TONSL: variants seen among roughly 807,000 people sequenced by gnomAD.
The protein encoded by TONSL is tonsoku like, DNA repair protein.
A neutral mutation model predicts 147.1 loss-of-function variants in TONSL; 112 were observed. The ratio of observed to expected loss-of-function variants is 0.76; its 90% CI spans 0.65 to 0.89. The LOEUF (loss-of-function observed/expected upper bound fraction) is 0.89, where lower values mean the gene tolerates loss of function less well. Ranked by LOEUF, TONSL falls within the 40% of genes least tolerant of loss-of-function variation. The pLI is 0.00. For missense variants in TONSL, 1,883 were observed against 1,864.6 expected, an observed-to-expected ratio of 1.01 and a Z score of -0.18; for synonymous variants, 868 against 801.5, an observed-to-expected ratio of 1.08 and a Z score of -1.40.
chr8:144,437,650 C>T (rs547023200), intron 13 of TONSL: 2 of 156,520 alleles, frequency 1.3e-5, no homozygotes, highest in South Asian at 2.0e-4. Context: ...GTCACCCAGG[C>T]TGGAGTGCAG....
At position 144,432,431 on chromosome 8, in the gene TONSL, A is replaced by C; in HGVS notation, c.3589T>G (p.Ser1197Ala). Residue 1197 changes from serine (S) to alanine (A), a missense_variant, in exon 23 of 26, where the codon TCC becomes GCC. Coordinates refer to ENST00000409379, the MANE Select transcript of TONSL (RefSeq NM_013432.5). ...GCAGGGGCTCCCAGGGCGTTGTAGG[A>C]CAGGGACAGGGTCTTCAGGTGCTCA... is the stretch of plus-strand genomic sequence containing the variant. The part of the protein sequence containing the change: ...DAEHLKTLSL[S>A]YNALGAPALA... 1 of 1,571,526 alleles carries C rather than the reference A, an allele frequency of 6.4e-7. No individual in the cohort carries two copies. Among genetic ancestry groups the C allele is most frequent in the Non-Finnish European group, 8.6e-7 (1 of 1,161,776 alleles).
Position 144,440,453 on chromosome 8 carries a change from A to G in TONSL, c.1188T>C (p.Ile396=), listed in dbSNP as rs1173404610. 6 of 1,604,492 alleles carry G rather than the reference A, an allele frequency of 3.7e-6. No individual in the cohort carries two copies. The highest frequency in any genetic ancestry group is 5.1e-6 in the Non-Finnish European group (6 of 1,174,218). Reference sequence around the variant, plus strand: ...CGCCGGCCTCCTCGCGGGACAGTGCAATGTTCAGCCAGGTCTTGGCCTCCT... The same window carrying G: ...CGCCGGCCTCCTCGCGGGACAGTGCGATGTTCAGCCAGGTCTTGGCCTCCT... ...VLEEAKTWLN[I]ALSREEAGDA... is the part of the protein sequence containing the mutation. The change falls in exon 10 of 26, where the codon ATT becomes ATC. Residue 396 remains isoleucine, a synonymous_variant. Coordinates refer to ENST00000409379, the MANE Select transcript of TONSL (RefSeq NM_013432.5).
chr8:144,435,153 A>G lies in TONSL; in HGVS notation c.2870T>C (p.Val957Ala), dbSNP rs780604448. The change falls in exon 19 of 26, where the codon GTG becomes GCG. Residue 957 changes from valine to alanine, a missense_variant. Coordinates refer to ENST00000409379, the MANE Select transcript of TONSL (RefSeq NM_013432.5). ...GGCCGCCTGCTCGGCCAGCCAGGCC[A>G]CAGAGTGGGTGTCACTGCTGCAGGG... ...PVPHSSDTHS[V>A]AWLAEQAAQR... The G allele has an allele frequency of 2.6e-6, 4 of 1,563,022 alleles. No individual in the cohort carries two copies. The highest frequency in any genetic ancestry group is 3.5e-6 in the Non-Finnish European group (4 of 1,155,068).
At chr8:144,434,914 C>A in intron 19 of TONSL, 25 bp from the exon 20 acceptor site, 1 of 1,612,924 alleles carries the variant, frequency 6.2e-7, no homozygotes, top group South Asian at 1.1e-5. Flanking sequence ...CATGAGCCAC[C>A]TGGGGGCTCC....
At chr8:144,443,375 G>T (rs917670627) in intron 3 of TONSL, 54 bp from the exon 4 acceptor site, 6 of 1,488,982 alleles carry the variant, frequency 4.0e-6, no homozygotes, top group Non-Finnish European at 4.5e-6. Context: ...AAGCAAACCG[G>T]CACCGCCAGA....
rs148167168 is a variant in TONSL at position 144,435,756 on chromosome 8, C to T, written c.2677G>A (p.Ala893Thr). 4.1e-4 allele frequency: 660 copies of T among 1,612,836 alleles called. 2 individuals are homozygous for T. The African/African-American group carries it at 5.1e-3, about 12-fold the overall frequency. Residue 893 changes from alanine (A) to threonine (T), a missense_variant, in exon 17 of 26, where the codon GCA (alanine) becomes ACA (threonine). By Grantham distance (58) the Ala-to-Thr change is moderately conservative. Coordinates refer to ENST00000409379, the MANE Select transcript of TONSL (RefSeq NM_013432.5). ...CMQSCSAPVN[A>T]GPSSLASEPP... ...TCTGAAGCCAGGCTGCTGGGCCCTG[C>T]GTTAACTGGCGCACTGCAACTCTGC...
intron 2 of TONSL, 59 bp downstream of exon 2, chr8:144,444,121 G>A: frequency 1.7e-5 from 22 of 1,304,166 alleles, no homozygotes; most frequent in Non-Finnish European, 2.1e-5. Context: ...CCCGGCCCCC[G>A]ATCCCGGCCC....
rs782514679 is a variant in TONSL, at chr8:144,434,125, G to C, written c.3240C>G (p.Asn1080Lys). The C allele has an allele frequency of 6.2e-7, 1 of 1,612,066 alleles. No individual in the cohort carries two copies. Among genetic ancestry groups the C allele is most frequent in the Non-Finnish European group, 8.5e-7 (1 of 1,179,500 alleles). Residue 1080 changes from asparagine to lysine, a missense_variant, in exon 21 of 26, where the codon AAC (asparagine) becomes AAG (lysine). Physicochemically the swap from Asn to Lys is moderately conservative, Grantham distance 94 (BLOSUM62 0). Transcript: ENST00000409379. Reference sequence around the variant, plus strand: ...CAGCCACACACTTGTCCCCCAGCCGGTTCCCTGCCAGGCGCAGCTCCCGGA... The same window carrying C: ...CAGCCACACACTTGTCCCCCAGCCGCTTCCCTGCCAGGCGCAGCTCCCGGA... ...TALRELRLAG[N>K]RLGDKCVAEL...
chr8:144,438,813 C>A, intron 11 of TONSL, 78 bp from the exon 12 acceptor site: 1 of 1,457,394 alleles, frequency 6.9e-7, no homozygotes. Flanking sequence ...TGCAAGCTCC[C>A]CAAACTCCCA....
rs752272980 is a variant in TONSL at position 144,435,796 on chromosome 8, G to T, written c.2637C>A (p.Val879=). The change falls in exon 17 of 26, where the codon GTC becomes GTA. Residue 879 remains valine (V), a synonymous_variant. Transcript: ENST00000409379. ...ESRPRARAKQ[V]RLTCMQSCSA... is the part of the protein sequence containing the mutation. ...TGCAACTCTGCATGCAGGTCAGGCG[G>T]ACCTGCTTGGCTCGGGCACGGGGCC... The T allele has an allele frequency of 3.1e-6, 5 of 1,612,870 alleles. No individual in the cohort carries two copies. In the South Asian group the frequency reaches 3.3e-5, roughly 11 times the overall value.
At chr8:144,431,828 CTTTCTT>C (rs1823209514) in intron 23 of TONSL, among the ~76,000 whole-genome samples, 1 of 124,654 alleles carries the variant, frequency 8.0e-6, no homozygotes, top group Non-Finnish European at 1.7e-5. Context: ...TTTTCTTTTT[CTTTCTT>C]TTTTTTTTTT....
In TONSL at chr8:144,443,072, G is replaced by C. The variant is rs1159498062; in HGVS notation, c.448+66C>G. The C allele has an allele frequency of 2.7e-6, 4 of 1,501,168 alleles. No individual in the cohort carries two copies. In the East Asian group the frequency reaches 7.4e-5, roughly 28 times the overall value. 93.0% of individuals were successfully genotyped at this position (1,501,168 alleles called of 1,614,324 possible). Reference sequence around the variant, plus strand: ...CGGGATTGCCCAAGGAGGCTGCGGGGGTGCTGGGCTGCAGCCTCTTCGGCC... The same window carrying C: ...CGGGATTGCCCAAGGAGGCTGCGGGCGTGCTGGGCTGCAGCCTCTTCGGCC... On this transcript the variant is annotated intron_variant, in intron 4 of 25. Transcript: ENST00000409379.
chr8:144,429,185 G>A lies in TONSL; in HGVS notation c.4095C>T (p.Cys1365=). 1 of 1,534,566 alleles carries A rather than the reference G, an allele frequency of 6.5e-7. No individual in the cohort carries two copies. Residue 1365 remains cysteine, a synonymous_variant, in exon 26 of 26, where the codon TGC becomes TGT. Transcript: ENST00000409379. The stretch of plus-strand genomic sequence containing the variant: ...AGAGCTTGGAGCCGTGGTCCAGCGT[G>A]CACTCGCCGGGGCCCGGCCGACTGG... The part of the protein sequence containing the change: ...LQPSRPGPGE[C]TLDHGSKLFF...
chr8:144,440,444 G>T lies in TONSL; in HGVS notation c.1197C>A (p.Ser399=), dbSNP rs760313922. 1 of 1,607,870 alleles carries T rather than the reference G, an allele frequency of 6.2e-7. No individual in the cohort carries two copies. The highest frequency in any genetic ancestry group is 1.7e-5 in the Admixed American group (1 of 59,832). ...EAKTWLNIAL[S]REEAGDAYEL... ...CGTAGGCATCGCCGGCCTCCTCGCG[G>T]GACAGTGCAATGTTCAGCCAGGTCT... Residue 399 remains serine, a synonymous_variant, in exon 10 of 26, where the codon TCC becomes TCA. Coordinates refer to ENST00000409379, the MANE Select transcript of TONSL (RefSeq NM_013432.5).
chr8:144,441,590 T>G, intron 7 of TONSL: 1 of 188,530 alleles, frequency 5.3e-6, no homozygotes, highest in Non-Finnish European at 1.1e-5. Flanking sequence ...AGACTCCGTC[T>G]CAAGAAAAAA....
chr8:144,428,979 C>T lies in TONSL; in HGVS notation c.*164G>A, dbSNP rs1823039888. Reference sequence around the variant, plus strand: ...TAATTTTTGGTATTTTTAGTAGAGACGGGGTTTCACCATGTTAGCCAGGAT... The same window carrying T: ...TAATTTTTGGTATTTTTAGTAGAGATGGGGTTTCACCATGTTAGCCAGGAT... On this transcript the variant is annotated 3_prime_UTR_variant, in exon 26 of 26. Transcript: ENST00000409379. 1.2e-5 allele frequency: 9 copies of T among 762,158 alleles called. No homozygotes were observed. The South Asian group carries it at 1.5e-4, about 13-fold the overall frequency. 47.2% of individuals were successfully genotyped at this position (762,158 alleles called of 1,614,324 possible).
At chr8:144,431,670 G>A (rs922882440) in intron 23 of TONSL, among the ~76,000 whole-genome samples, 3 of 151,640 alleles carry the variant, frequency 2.0e-5, no homozygotes, top group Admixed American at 1.3e-4. Context: ...CCGTCACCAC[G>A]CCCGGCTAAT....
At chr8:144,439,082 G>A (rs887846749) in intron 11 of TONSL, among the ~76,000 whole-genome samples, 1 of 151,844 alleles carries the variant, frequency 6.6e-6, no homozygotes, top group African/African-American at 2.4e-5. Context: ...AGACCGGCTC[G>A]TGGGCCAGTC....
rs201791871 is a variant in TONSL at position 144,441,130 on chromosome 8, T to C, written c.866-19A>G. On this transcript the variant is annotated intron_variant, in intron 7 of 25. Coordinates refer to ENST00000409379, the MANE Select transcript of TONSL (RefSeq NM_013432.5). ...GCCAGCACTGCCGGGAAGAGGTTCA[T>C]GCAGGGGGGCAGCACAGGGGGCCCT... 109 of 1,611,752 alleles carry C rather than the reference T, an allele frequency of 6.8e-5. 1 individual carries two copies. Among genetic ancestry groups the C allele is most frequent in the Admixed American group, 4.2e-4 (25 of 59,996 alleles).
Sources: allele counts gnomAD v4.1 joint callset (sites outside exome capture counted in the v4.1 genomes callset), GRCh38; gene constraint gnomAD v4.1.1; transcripts MANE v1.5; gene names NCBI Gene and HGNC (gene_info 2026-07-23, HGNC 2026-07-21).